The following CELF2 variants were observed in gnomAD, a reference collection of about 807,000 sequenced individuals.
CELF2 encodes the protein CUGBP Elav-like family member 2, also known as CUG triplet repeat RNA-binding protein 2.
CELF2 carries 8 observed loss-of-function variants against 62.6 expected under a neutral mutation model. The observed-to-expected ratio is 0.13, with a 90% confidence interval of 0.07 to 0.23. The LOEUF (loss-of-function observed/expected upper bound fraction) is 0.23, where lower values mean the gene tolerates loss of function less well. CELF2 is among the 10% of genes least tolerant of loss of function. The pLI is 1.00. For missense variants in CELF2, 333 were observed against 671.0 expected (o/e 0.50, Z 5.56); for synonymous variants, 258 against 250.0 (o/e 1.03, Z -0.30).
intron 1 of CELF2, among the ~76,000 whole-genome samples, chr10:11,152,280 A>G (rs1302899063): frequency 5.3e-5 from 8 of 152,224 alleles, no homozygotes; most frequent in Admixed American, 5.2e-4. Flanking sequence ...CACCTCATTC[A>G]AGACCTTGAA....
At chr10:10,637,003 A>T in the CELF2 span, among the ~76,000 whole-genome samples, 1 of 152,206 alleles carries the variant, frequency 6.6e-6, no homozygotes, top group Admixed American at 6.5e-5. Context: ...GGTAGAAAGT[A>T]CTTTAGATAT....
the CELF2 span, among the ~76,000 whole-genome samples, chr10:10,753,834 C>T: frequency 2.0e-5 from 3 of 152,176 alleles, no homozygotes; most frequent in Non-Finnish European, 4.4e-5. Flanking sequence ...CAGATAATTC[C>T]AGAGCAAAAC....
At chr10:10,935,633 C>T (rs575248087) in intron 2 of CELF2, among the ~76,000 whole-genome samples, 1 of 152,096 alleles carries the variant, frequency 6.6e-6, no homozygotes, top group Non-Finnish European at 1.5e-5. Flanking sequence ...GTTCCCATTT[C>T]TAGCAATAAT....
At chr10:10,638,417 G>T in the CELF2 span, among the ~76,000 whole-genome samples, 1 of 152,120 alleles carries the variant, frequency 6.6e-6, no homozygotes, top group Admixed American at 6.6e-5. Context: ...GAAATAAATG[G>T]TCACATAGTG....
chr10:10,510,830 A>C, the CELF2 span, among the ~76,000 whole-genome samples: 1 of 152,202 alleles, frequency 6.6e-6, no homozygotes, highest in Admixed American at 6.5e-5. Flanking sequence ...TTTAAACTGG[A>C]ATAAGCCTTG....
At chr10:11,024,697 A>G (rs918253784) in intron 1 of CELF2, among the ~76,000 whole-genome samples, 1 of 152,214 alleles carries the variant, frequency 6.6e-6, no homozygotes, top group African/African-American at 2.4e-5. Flanking sequence ...GCTCTCTGTC[A>G]TAACCATGGA....
chr10:10,536,272 C>T, the CELF2 span, among the ~76,000 whole-genome samples: 3 of 152,156 alleles, frequency 2.0e-5, no homozygotes, highest in Non-Finnish European at 2.9e-5. Flanking sequence ...CCCACCTTGG[C>T]CTCCCAATGT....
At chr10:11,204,344 A>G (rs2059936292) in intron 2 of CELF2, among the ~76,000 whole-genome samples, 1 of 152,218 alleles carries the variant, frequency 6.6e-6, no homozygotes, top group Non-Finnish European at 1.5e-5. Context: ...TACCAGAGTC[A>G]TTTCACAGGA....
At chr10:10,967,454 G>A (rs1328531086) in intron 2 of CELF2, among the ~76,000 whole-genome samples, 1 of 151,984 alleles carries the variant, frequency 6.6e-6, no homozygotes, top group Non-Finnish European at 1.5e-5. Flanking sequence ...AGTACTTTGA[G>A]AAGTAGGCAT....
intron 2 of CELF2, chr10:10,944,464 G>C (rs1007078485): frequency 2.0e-5 from 3 of 152,378 alleles, no homozygotes; most frequent in African/African-American, 4.8e-5. Flanking sequence ...GGGTGGAGTG[G>C]ATTTGAAATG....
chr10:11,076,410 A>G (rs561614224), intron 1 of CELF2, among the ~76,000 whole-genome samples: 2 of 152,226 alleles, frequency 1.3e-5, no homozygotes, highest in African/African-American at 4.8e-5. Flanking sequence ...TTTGTTATAC[A>G]GCAAGAGCTA....
chr10:10,479,469 T>C, the CELF2 span, among the ~76,000 whole-genome samples: 1 of 152,126 alleles, frequency 6.6e-6, no homozygotes, highest in Admixed American at 6.6e-5. Flanking sequence ...ACCTGGCCCA[T>C]CTAGACTAAT....
chr10:10,933,906 G>C (rs1469433033), intron 2 of CELF2, among the ~76,000 whole-genome samples: 1 of 152,160 alleles, frequency 6.6e-6, no homozygotes, highest in African/African-American at 2.4e-5. Context: ...CATGAACACG[G>C]GAGTGCAGAT....
intron 1 of CELF2, among the ~76,000 whole-genome samples, chr10:11,103,682 G>C (rs2477025): frequency 0.36 from 54,288 of 151,712 alleles, 12,631 homozygotes; most frequent in East Asian, 0.82. Flanking sequence ...TGTTTGATTT[G>C]TTGTTGCAGG....
At chr10:10,923,040 T>G (rs2399580) in intron 2 of CELF2, 49,391 of 152,094 alleles carry the variant, frequency 0.32, 8,798 homozygotes, top group East Asian at 0.71. Flanking sequence ...TGTTCCAGCT[T>G]TCAGCCTTTT....
chr10:10,818,938 G>GGT (rs201127820), intron 1 of CELF2, among the ~76,000 whole-genome samples: 2,875 of 152,234 alleles, frequency 0.019, 28 homozygotes, highest in Non-Finnish European at 0.03. Context: ...GGGCTTCTTG[G>GGT]GTGTGTGTGT....
At chr10:11,233,960 C>G (rs991167800) in intron 3 of CELF2, among the ~76,000 whole-genome samples, 5 of 152,212 alleles carry the variant, frequency 3.3e-5, no homozygotes, top group Admixed American at 3.3e-4. Context: ...CATATGTGAA[C>G]ATTGCTGCAT....
chr10:10,764,791 T>C, the CELF2 span, among the ~76,000 whole-genome samples: 1 of 152,258 alleles, frequency 6.6e-6, no homozygotes, highest in East Asian at 1.9e-4. Context: ...CTCCCCCACT[T>C]TCTAGGCTCT....
the CELF2 span, among the ~76,000 whole-genome samples, chr10:10,715,804 T>G: frequency 6.6e-6 from 1 of 152,210 alleles, no homozygotes; most frequent in African/African-American, 2.4e-5. Flanking sequence ...TAAATAGCTA[T>G]GCACAAAGCT....
Sources: allele counts gnomAD v4.1 joint callset (sites outside exome capture counted in the v4.1 genomes callset), GRCh38; gene constraint gnomAD v4.1.1; transcripts MANE v1.5; gene names NCBI Gene and HGNC (gene_info 2026-07-23, HGNC 2026-07-21).